Variants in SIPA1L3 observed in about 807,000 individuals in gnomAD.
SIPA1L3 encodes signal-induced proliferation-associated 1-like protein 3.
SIPA1L3 carries 59 observed loss-of-function variants against 150.1 expected under a neutral mutation model. The ratio of observed to expected loss-of-function variants is 0.39; its 90% CI spans 0.32 to 0.49. The LOEUF is 0.49. Among genes scored for constraint, SIPA1L3 ranks in the 20% least tolerant of loss-of-function variants. The pLI is 0.86. For synonymous variants in SIPA1L3, 1,070 were observed against 1,077.6 expected (o/e 0.99, Z 0.14); for missense variants, 2,211 against 2,489.5 (o/e 0.89, Z 2.38).
At chr19:37,956,944 T>G (rs538332768) in intron 1 of SIPA1L3, among the ~76,000 whole-genome samples, 142 of 152,370 alleles carry the variant, frequency 9.3e-4, no homozygotes, top group African/African-American at 3.3e-3. Flanking sequence ...TGCCTTTGAA[T>G]CTATCATTAA....
intron 9 of SIPA1L3, among the ~76,000 whole-genome samples, chr19:38,124,211 A>G (rs8100057): frequency 0.66 from 96,835 of 145,994 alleles, 33,051 homozygotes; most frequent in African/African-American, 0.85. Flanking sequence ...CAGACGGGGC[A>G]GCTGCCGGGC....
intron 15 of SIPA1L3, among the ~76,000 whole-genome samples, chr19:38,180,135 TG>T (rs1972524470): frequency 6.6e-6 from 1 of 152,170 alleles, no homozygotes; most frequent in South Asian, 2.1e-4. Context: ...AAAATTATTT[TG>T]TATCAGGCAG....
intron 2 of SIPA1L3, among the ~76,000 whole-genome samples, chr19:38,061,337 T>C (rs1367471347): frequency 6.6e-6 from 1 of 152,170 alleles, no homozygotes; most frequent in Non-Finnish European, 1.5e-5. Context: ...GTGCTGGGAT[T>C]ACAGGTGTGA....
intron 15 of SIPA1L3, among the ~76,000 whole-genome samples, chr19:38,182,178 T>C (rs910524891): frequency 6.7e-6 from 1 of 148,536 alleles, no homozygotes; most frequent in African/African-American, 2.5e-5. Flanking sequence ...TAGAGCAAAC[T>C]GTAAGCCATA....
In SIPA1L3 at chr19:38,093,781, GAT is replaced by G. The variant is rs3833272; in HGVS notation, c.1665+4933_1665+4934del. On this transcript the variant is annotated intron_variant, in intron 4 of 21. Transcript: ENST00000222345. ...TGGACCTGCATCTCCCAGCAGATGG[GAT>G]ATGAGCATTGGCAGTGCCAGGCTCC... Among the ~76,000 whole-genome samples, 777 of 152,334 alleles carry G rather than the reference GAT, an allele frequency of 5.1e-3. 30 individuals are homozygous for G. Among genetic ancestry groups the G allele is most frequent in the Admixed American group, 0.043 (665 of 15,294 alleles).
rs759988340 is a variant in SIPA1L3, at chr19:38,201,870, G to A, written c.4993G>A (p.Ala1665Thr). The A allele has an allele frequency of 6.2e-7, 1 of 1,610,638 alleles. No homozygotes were observed. Among genetic ancestry groups the A allele is most frequent in the South Asian group, 1.1e-5 (1 of 90,596 alleles). Residue 1665 changes from alanine (A) to threonine (T), a missense_variant, in exon 20 of 22, where the codon GCC (alanine) becomes ACC (threonine). Physicochemically the swap from Ala to Thr is moderately conservative, Grantham distance 58. This residue lies in a region of SIPA1L3 where 806 missense variants were observed against 870.1 expected (regional missense o/e 0.93). Coordinates refer to ENST00000222345, the MANE Select transcript of SIPA1L3 (RefSeq NM_015073.3). The stretch of plus-strand genomic sequence containing the variant: ...TCCTCCCTCCCTGGCAGTGCAAAGA[G>A]CCGTCTCACTCTTCTCTCTGAACGA... Reference protein sequence around the residue: ...NAAKAYEVQRAVSLFSLNDPA... With the variant: ...NAAKAYEVQRTVSLFSLNDPA...
At chr19:38,000,912 CAT>C (rs58090023) in intron 1 of SIPA1L3, among the ~76,000 whole-genome samples, 75 of 138,056 alleles carry the variant, frequency 5.4e-4, no homozygotes, top group African/African-American at 1.7e-3. Context: ...ATATATATAA[CAT>C]ATATATAACA....
At chr19:37,934,290 C>A (rs1353025143) in intron 1 of SIPA1L3, among the ~76,000 whole-genome samples, 1 of 152,162 alleles carries the variant, frequency 6.6e-6, no homozygotes, top group Non-Finnish European at 1.5e-5. Flanking sequence ...TACATCATCG[C>A]ATGTCAGGAC....
chr19:38,196,263 C>T (rs1028924204), intron 18 of SIPA1L3, among the ~76,000 whole-genome samples: 5 of 152,194 alleles, frequency 3.3e-5, no homozygotes, highest in African/African-American at 4.8e-5. Flanking sequence ...CTCCCACCAG[C>T]TGAGCAGTGA....
chr19:38,136,296 A>G (rs1971435733), intron 10 of SIPA1L3, among the ~76,000 whole-genome samples: 2 of 151,704 alleles, frequency 1.3e-5, no homozygotes, highest in South Asian at 4.2e-4. Context: ...GTGTTATATC[A>G]TTTTAATCCT....
At chr19:37,927,654 G>T (rs2046516427) in intron 1 of SIPA1L3, among the ~76,000 whole-genome samples, 1 of 136,738 alleles carries the variant, frequency 7.3e-6, no homozygotes, top group Non-Finnish European at 1.6e-5. Context: ...AAGAACATGG[G>T]GTGTGTGTGT....
At chr19:37,941,173 G>A (rs2046653739) in intron 1 of SIPA1L3, among the ~76,000 whole-genome samples, 1 of 151,922 alleles carries the variant, frequency 6.6e-6, no homozygotes, top group South Asian at 2.1e-4. Flanking sequence ...GTGTTGCTGT[G>A]TATCCGTTAG....
intron 1 of SIPA1L3, among the ~76,000 whole-genome samples, chr19:37,999,981 G>A (rs577091819): frequency 1.4e-4 from 22 of 152,294 alleles, no homozygotes; most frequent in East Asian, 7.7e-4. Context: ...AGAAAGTTGC[G>A]TAACCTCTCT....
chr19:37,951,770 G>A (rs959021204), intron 1 of SIPA1L3, among the ~76,000 whole-genome samples: 4 of 151,794 alleles, frequency 2.6e-5, no homozygotes, highest in South Asian at 4.2e-4. Context: ...GGTGGCGGGC[G>A]CCTGTAGTCC....
chr19:37,937,316 T>A (rs1427535764), intron 1 of SIPA1L3, among the ~76,000 whole-genome samples: 1 of 152,210 alleles, frequency 6.6e-6, no homozygotes, highest in East Asian at 1.9e-4. Context: ...AGAACTTGAA[T>A]ATTACCAGTA....
intron 1 of SIPA1L3, among the ~76,000 whole-genome samples, chr19:37,991,862 T>C (rs1967516866): frequency 6.6e-6 from 1 of 152,162 alleles, no homozygotes; most frequent in African/African-American, 2.4e-5. Flanking sequence ...AGCTGATGGC[T>C]TGGAGTCACA....
chr19:37,923,201 A>G (rs1400837768), intron 1 of SIPA1L3, among the ~76,000 whole-genome samples: 2 of 152,064 alleles, frequency 1.3e-5, no homozygotes, highest in Non-Finnish European at 2.9e-5. Flanking sequence ...GGGAGCAGAA[A>G]TTAAACAGGC....
intron 15 of SIPA1L3, among the ~76,000 whole-genome samples, chr19:38,169,405 A>C (rs147840982): frequency 1.5e-3 from 234 of 151,834 alleles, no homozygotes; most frequent in African/African-American, 5.1e-3. Flanking sequence ...AAAAAAATCC[A>C]TGTGGATAAG....
At position 38,082,455 on chromosome 19, in the gene SIPA1L3, T is replaced by C. The variant is rs1970017157; in HGVS notation, c.890T>C (p.Val297Ala). ...CGGGGCCTCGGCGGCGGGGACACGG[T>C]GGACTCGTCCATCTTTCGGAAGCTA... ...PARGLGGGDTVDSSIFRKLRS... is the reference protein window; with the variant it reads ...PARGLGGGDTADSSIFRKLRS... The change falls in exon 3 of 22, where the codon GTG (valine) becomes GCG (alanine). Residue 297 changes from valine to alanine, a missense_variant. By Grantham distance (64) the Val-to-Ala change is moderately conservative (BLOSUM62 0). This residue lies in a region of SIPA1L3 where 587 missense variants were observed against 534.5 expected (regional missense o/e 1.10). Transcript: ENST00000222345. The C allele has an allele frequency of 6.3e-7, 1 of 1,589,536 alleles. No individual in the cohort carries two copies. The highest frequency in any genetic ancestry group is 1.3e-5 in the African/African-American group (1 of 74,584).
Sources: gnomAD v4.1 joint callset for allele counts (sites outside exome capture counted in the v4.1 genomes callset) on GRCh38, gnomAD v4.1.1 for gene constraint, gnomAD v4.1.1 regional missense constraint, MANE v1.5 for transcripts, NCBI Gene and HGNC (gene_info 2026-07-23, HGNC 2026-07-21) for gene names.